Variants in FNIP1 observed in about 807,000 individuals in gnomAD.
FNIP1 encodes folliculin interacting protein 1, also known as folliculin-interacting protein 1.
FNIP1 carries 40 observed loss-of-function variants against 124.5 expected under a neutral mutation model. The ratio of observed to expected loss-of-function variants is 0.32; its 90% CI spans 0.25 to 0.42. The LOEUF (loss-of-function observed/expected upper bound fraction) is 0.42, where lower values mean the gene tolerates loss of function less well. Among genes scored for constraint, FNIP1 ranks in the 10% least tolerant of loss-of-function variants. FNIP1 has a pLI of 1.00. For missense variants in FNIP1, 1,176 were observed against 1,403.7 expected, an observed-to-expected ratio of 0.84 and a Z score of 2.59; for synonymous variants, 472 against 470.6, an observed-to-expected ratio of 1.00 and a Z score of -0.04.
intron 1 of FNIP1, among the ~76,000 whole-genome samples, chr5:131,776,516 G>C (rs573531219): frequency 6.6e-6 from 1 of 152,046 alleles, no homozygotes; most frequent in Non-Finnish European, 1.5e-5. Context: ...CAATAGACTG[G>C]GTAAATTGTA....
At chr5:131,715,380 G>T (rs1171550244) in intron 6 of FNIP1, among the ~76,000 whole-genome samples, 4 of 152,140 alleles carry the variant, frequency 2.6e-5, no homozygotes, top group African/African-American at 4.8e-5. Flanking sequence ...CAGCTACTTG[G>T]AAGGGTGAGG....
At chr5:131,767,648 A>T (rs948951129) in intron 1 of FNIP1, among the ~76,000 whole-genome samples, 3 of 152,058 alleles carry the variant, frequency 2.0e-5, no homozygotes, top group Non-Finnish European at 4.4e-5. Context: ...AACTTCAACC[A>T]CTTTGCTAAA....
At chr5:131,790,308 G>A (rs368045664) in intron 1 of FNIP1, among the ~76,000 whole-genome samples, 1 of 151,796 alleles carries the variant, frequency 6.6e-6, no homozygotes, top group Non-Finnish European at 1.5e-5. Context: ...GCGAAACCCC[G>A]TGTCTACAAA....
chr5:131,674,084 A>C (rs1410048579), intron 13 of FNIP1, among the ~76,000 whole-genome samples: 1 of 151,994 alleles, frequency 6.6e-6, no homozygotes, highest in African/African-American at 2.4e-5. Context: ...ATAAAAAAGT[A>C]AGTCATATCT....
intron 11 of FNIP1, among the ~76,000 whole-genome samples, chr5:131,689,013 C>T (rs1014233574): frequency 1.3e-5 from 2 of 151,656 alleles, no homozygotes; most frequent in African/African-American, 2.4e-5. Context: ...AGGATAAATA[C>T]CAACAAATCT....
rs182054867 is a variant in FNIP1 at position 131,743,046 on chromosome 5, G to A, written c.219+1518C>T. Among the ~76,000 whole-genome samples the A allele has an allele frequency of 4.8e-3, 726 of 152,114 alleles. 5 individuals are homozygous for A. The highest frequency in any genetic ancestry group is 0.017 in the African/African-American group (690 of 41,486). Reference sequence around the variant, plus strand: ...CCAGTCTAGTAACAAATACACATACGAATACAGCTATGATATAGAAGGCTA... The same window carrying A: ...CCAGTCTAGTAACAAATACACATACAAATACAGCTATGATATAGAAGGCTA... On this transcript the variant is annotated intron_variant, in intron 2 of 17. Coordinates refer to ENST00000510461, the MANE Select transcript of FNIP1 (RefSeq NM_133372.3).
chr5:131,693,438 T>G (rs2149526781), intron 11 of FNIP1, among the ~76,000 whole-genome samples: 1 of 147,874 alleles, frequency 6.8e-6, no homozygotes, highest in South Asian at 2.1e-4. Flanking sequence ...AACTAGAGTA[T>G]AAACTGATCT....
chr5:131,751,941 T>C (rs1406499622), intron 1 of FNIP1, among the ~76,000 whole-genome samples: 1 of 152,156 alleles, frequency 6.6e-6, no homozygotes, highest in Non-Finnish European at 1.5e-5. Flanking sequence ...CAAACCAACC[T>C]AAAACACTGA....
At chr5:131,709,095 G>A in intron 8 of FNIP1, 106 bp downstream of exon 8, 1 of 849,020 alleles carries the variant, frequency 1.2e-6, no homozygotes, top group African/African-American at 1.7e-5. Context: ...TCTCTTGTAA[G>A]GCTAATATCA....
chr5:131,687,183 G>A (rs1768308984), intron 11 of FNIP1, among the ~76,000 whole-genome samples: 1 of 149,732 alleles, frequency 6.7e-6, no homozygotes, highest in Non-Finnish European at 1.5e-5. Flanking sequence ...TCGGCTCACT[G>A]TAACCTCTGA....
At chr5:131,769,861 G>GA (rs1771569592) in intron 1 of FNIP1, among the ~76,000 whole-genome samples, 1 of 152,286 alleles carries the variant, frequency 6.6e-6, no homozygotes, top group South Asian at 2.1e-4. Context: ...ATGACTACGA[G>GA]AAAATCAATC....
intron 15 of FNIP1, among the ~76,000 whole-genome samples, chr5:131,667,474 ACAG>A: frequency 6.6e-6 from 1 of 152,216 alleles, no homozygotes; most frequent in Non-Finnish European, 1.5e-5. Context: ...TTCTACAGAC[ACAG>A]AAGGTTTAAA....
intron 16 of FNIP1, among the ~76,000 whole-genome samples, chr5:131,648,855 A>G (rs1766965867): frequency 6.6e-6 from 1 of 152,182 alleles, no homozygotes; most frequent in South Asian, 2.1e-4. Context: ...TTTTAGATTC[A>G]GTCTCTATGA....
intron 15 of FNIP1, among the ~76,000 whole-genome samples, chr5:131,667,016 G>A (rs1561644253): frequency 6.6e-6 from 1 of 152,086 alleles, no homozygotes; most frequent in Non-Finnish European, 1.5e-5. Context: ...CAAATAATAG[G>A]CACTTCATCA....
chr5:131,648,470 T>G lies in FNIP1; in HGVS notation c.3307-1265A>C, dbSNP rs185934623. Among the ~76,000 whole-genome samples the G allele has an allele frequency of 2.6e-3, 392 of 152,274 alleles. 3 individuals carry two copies. Among genetic ancestry groups the G allele is most frequent in the African/African-American group, 9.0e-3 (375 of 41,552 alleles). Reference sequence around the variant, plus strand: ...ACATTAAATTCATACAGAGTGTTCCTTTCCAATGAAAATCAGTTATTAAAA... The same window carrying G: ...ACATTAAATTCATACAGAGTGTTCCGTTCCAATGAAAATCAGTTATTAAAA... On this transcript the variant is annotated intron_variant, in intron 16 of 17. Transcript: ENST00000510461.
chr5:131,686,952 T>C (rs560189081), intron 11 of FNIP1, among the ~76,000 whole-genome samples: 1 of 151,898 alleles, frequency 6.6e-6, no homozygotes, highest in African/African-American at 2.4e-5. Context: ...CTCTAAGAGT[T>C]TGGGAAACAG....
intron 15 of FNIP1, among the ~76,000 whole-genome samples, chr5:131,656,150 T>C (rs1426177301): frequency 1.3e-5 from 2 of 152,150 alleles, no homozygotes; most frequent in Non-Finnish European, 2.9e-5. Context: ...GTTAGTGTGA[T>C]ACAGCAAACC....
chr5:131,753,367 G>C (rs535291822), intron 1 of FNIP1, among the ~76,000 whole-genome samples: 1 of 152,288 alleles, frequency 6.6e-6, no homozygotes, highest in Admixed American at 6.5e-5. Context: ...ATGCCACAGA[G>C]AATGGATAAA....
At chr5:131,788,694 C>CAAAAAAAA (rs10715343) in intron 1 of FNIP1, among the ~76,000 whole-genome samples, 1 of 58,108 alleles carries the variant, frequency 1.7e-5, no homozygotes, top group East Asian at 5.6e-4. Flanking sequence ...GACTCTGTCT[C>CAAAAAAAA]AAAAAAAAAA....
Sources: gnomAD v4.1 joint callset for allele counts (sites outside exome capture counted in the v4.1 genomes callset) on GRCh38, gnomAD v4.1.1 for gene constraint, MANE v1.5 for transcripts, NCBI Gene and HGNC (gene_info 2026-07-23, HGNC 2026-07-21) for gene names.